The following CTNNA3 variants were observed in gnomAD, a reference collection of about 807,000 sequenced individuals.
CTNNA3 encodes the protein catenin alpha 3, also known as catenin alpha-3.
CTNNA3 carries 76 observed loss-of-function variants against 95.7 expected under a neutral mutation model. The observed-to-expected ratio is 0.79, with a 90% confidence interval of 0.66 to 0.96. The LOEUF (loss-of-function observed/expected upper bound fraction) is 0.96, where lower values mean the gene tolerates loss of function less well. Among genes scored for constraint, CTNNA3 ranks in the 40% least tolerant of loss-of-function variants. CTNNA3 has a pLI of 0.00. For synonymous variants in CTNNA3, 431 were observed against 374.4 expected (o/e 1.15, Z -1.74); for missense variants, 1,191 against 1,089.8 (o/e 1.09, Z -1.31).
intron 7 of CTNNA3, among the ~76,000 whole-genome samples, chr10:67,155,211 A>G (rs1564929042): frequency 6.6e-6 from 1 of 152,214 alleles, no homozygotes; most frequent in Non-Finnish European, 1.5e-5. Flanking sequence ...ACAGAAGCTC[A>G]ATAAATATTT....
chr10:67,344,720 T>C (rs924422065), intron 5 of CTNNA3, among the ~76,000 whole-genome samples: 9 of 152,092 alleles, frequency 5.9e-5, no homozygotes, highest in African/African-American at 1.9e-4. Context: ...TGATTTTATT[T>C]ATTTGGATCT....
At chr10:66,357,612 G>A (rs1243893231) in intron 12 of CTNNA3, among the ~76,000 whole-genome samples, 1 of 151,950 alleles carries the variant, frequency 6.6e-6, no homozygotes, top group East Asian at 1.9e-4. Flanking sequence ...AATATATAGT[G>A]TTTGACTGGC....
intron 12 of CTNNA3, among the ~76,000 whole-genome samples, chr10:66,303,220 G>A (rs1159846269): frequency 6.6e-6 from 1 of 151,650 alleles, no homozygotes; most frequent in African/African-American, 2.4e-5. Flanking sequence ...TTAATTAAAA[G>A]CATAAAGATG....
intron 5 of CTNNA3, among the ~76,000 whole-genome samples, chr10:67,503,273 T>C (rs972628631): frequency 6.6e-6 from 1 of 152,150 alleles, no homozygotes; most frequent in Non-Finnish European, 1.5e-5. Context: ...CCACCCTGCT[T>C]TGGCTCACCC....
intron 17 of CTNNA3, among the ~76,000 whole-genome samples, chr10:65,940,308 G>A (rs968596903): frequency 1.3e-5 from 2 of 152,252 alleles, no homozygotes; most frequent in Admixed American, 6.5e-5. Context: ...GTTATTGAGG[G>A]ACATTTGATG....
At chr10:67,721,348 T>G (rs1446317028) in intron 1 of CTNNA3, among the ~76,000 whole-genome samples, 2 of 152,112 alleles carry the variant, frequency 1.3e-5, no homozygotes, top group Non-Finnish European at 2.9e-5. Context: ...GGAGGCTTTG[T>G]TCATTCCTTT....
chr10:67,760,692 C>T (rs915742375), intron 1 of CTNNA3, among the ~76,000 whole-genome samples: 9 of 152,224 alleles, frequency 5.9e-5, no homozygotes, highest in Middle Eastern at 3.4e-3. Flanking sequence ...CTCACATTAC[C>T]GCCTGAGCTC....
chr10:65,933,719 A>G (rs2077290244), intron 17 of CTNNA3, among the ~76,000 whole-genome samples: 1 of 152,184 alleles, frequency 6.6e-6, no homozygotes, highest in Admixed American at 6.6e-5. Context: ...TTACCCATTT[A>G]ATAAGTTTTC....
intron 5 of CTNNA3, among the ~76,000 whole-genome samples, chr10:67,352,833 C>G (rs146030067): frequency 1.4e-4 from 22 of 152,160 alleles, no homozygotes; most frequent in East Asian, 7.7e-4. Context: ...TCTTTCCTCT[C>G]TTCTTTCTAT....
chr10:67,594,897 A>G (rs757348547), intron 3 of CTNNA3, among the ~76,000 whole-genome samples: 4 of 151,886 alleles, frequency 2.6e-5, no homozygotes, highest in Non-Finnish European at 4.4e-5. Context: ...ACCCTTTCCA[A>G]TGAGTCCCCA....
At chr10:67,071,706 G>A (rs951831706) in intron 7 of CTNNA3, among the ~76,000 whole-genome samples, 10 of 151,866 alleles carry the variant, frequency 6.6e-5, no homozygotes, top group Admixed American at 3.3e-4. Context: ...GCATCTCCCC[G>A]TGTATTCTCT....
At chr10:67,371,332 A>G (rs573647219) in intron 5 of CTNNA3, among the ~76,000 whole-genome samples, 4 of 150,998 alleles carry the variant, frequency 2.6e-5, no homozygotes, top group Admixed American at 2.0e-4. Flanking sequence ...TGCACCCATT[A>G]ACTCGTCATT....
chr10:66,922,456 C>T (rs917959907), intron 7 of CTNNA3, among the ~76,000 whole-genome samples: 6 of 152,212 alleles, frequency 3.9e-5, no homozygotes, highest in African/African-American at 1.4e-4. Context: ...GTAACTTCTG[C>T]AGCCTCAAGT....
At chr10:67,130,305 G>A (rs532600167) in intron 7 of CTNNA3, among the ~76,000 whole-genome samples, 10 of 152,148 alleles carry the variant, frequency 6.6e-5, no homozygotes, top group Non-Finnish European at 1.2e-4. Context: ...TGTATGATGA[G>A]GCTCTTTGTG....
chr10:65,928,316 T>C (rs2077198741), intron 17 of CTNNA3, among the ~76,000 whole-genome samples: 1 of 152,192 alleles, frequency 6.6e-6, no homozygotes, highest in African/African-American at 2.4e-5. Flanking sequence ...TTTGGCTCTA[T>C]TTCTGCTTCA....
intron 5 of CTNNA3, among the ~76,000 whole-genome samples, chr10:67,258,971 T>C (rs2132383819): frequency 6.6e-6 from 1 of 152,324 alleles, no homozygotes; most frequent in East Asian, 1.9e-4. Context: ...CATCTCTAGA[T>C]TACACATAAT....
chr10:66,444,816 C>T (rs751868159), intron 11 of CTNNA3, among the ~76,000 whole-genome samples: 75 of 152,182 alleles, frequency 4.9e-4, no homozygotes, highest in Non-Finnish European at 9.4e-4. Flanking sequence ...ACCAAATTCA[C>T]ACATAACACT....
chr10:66,979,167 C>G (rs1417437784), intron 7 of CTNNA3, among the ~76,000 whole-genome samples: 2 of 151,850 alleles, frequency 1.3e-5, no homozygotes, highest in Admixed American at 6.6e-5. Context: ...AGTGTTTCAC[C>G]ATGTTGGCCA....
chr10:66,998,643 A>G (rs1294011286), intron 7 of CTNNA3, among the ~76,000 whole-genome samples: 1 of 152,216 alleles, frequency 6.6e-6, no homozygotes, highest in African/African-American at 2.4e-5. Flanking sequence ...ACAATAAAGA[A>G]GGAATCAGCA....
Sources: allele counts gnomAD v4.1 joint callset (sites outside exome capture counted in the v4.1 genomes callset), GRCh38; gene constraint gnomAD v4.1.1; transcripts MANE v1.5; gene names NCBI Gene and HGNC (gene_info 2026-07-23, HGNC 2026-07-21).